The following ATP8B4 variants were observed in gnomAD, a reference collection of about 807,000 sequenced individuals.
The protein encoded by ATP8B4 is probable phospholipid-transporting ATPase IM.
A neutral mutation model predicts 145.6 loss-of-function variants in ATP8B4; 133 were observed. The ratio of observed to expected loss-of-function variants is 0.91; its 90% CI spans 0.79 to 1.05. The LOEUF (loss-of-function observed/expected upper bound fraction) is 1.05. Ranked by LOEUF, ATP8B4 falls within the 50% of genes least tolerant of loss-of-function variation. The probability of loss-of-function intolerance (pLI) is 0.00; values close to 1 mark genes in which losing one functional copy is unlikely to be tolerated. For missense variants in ATP8B4, 1,458 were observed against 1,425.2 expected (o/e 1.02, Z -0.37); for synonymous variants, 507 against 492.9 (o/e 1.03, Z -0.38).
intron 1 of ATP8B4, among the ~76,000 whole-genome samples, chr15:50,147,990 T>C (rs72737028): frequency 0.1 from 15,403 of 152,274 alleles, 872 homozygotes; most frequent in Middle Eastern, 0.15. Context: ...AGAAGAACTA[T>C]ATCTTTCCAA....
intron 21 of ATP8B4, 99 bp downstream of exon 21, chr15:49,900,993 T>C: frequency 7.0e-7 from 1 of 1,437,116 alleles, no homozygotes; most frequent in Non-Finnish European, 9.4e-7. Flanking sequence ...GTAGTGACAT[T>C]TGTCTGGAAA....
intron 1 of ATP8B4, among the ~76,000 whole-genome samples, chr15:50,149,954 A>G (rs2044326067): frequency 6.6e-6 from 1 of 152,124 alleles, no homozygotes; most frequent in South Asian, 2.1e-4. Flanking sequence ...CACAAAAATT[A>G]GCCAGGTGTG....
chr15:49,948,058 C>T (rs2042730973), intron 14 of ATP8B4, among the ~76,000 whole-genome samples: 1 of 152,052 alleles, frequency 6.6e-6, no homozygotes, highest in Admixed American at 6.5e-5. Flanking sequence ...ACAATGGTCT[C>T]GACAATGACT....
chr15:49,993,850 C>T (rs1351958181), intron 9 of ATP8B4, among the ~76,000 whole-genome samples: 2 of 152,034 alleles, frequency 1.3e-5, no homozygotes, highest in Non-Finnish European at 2.9e-5. Context: ...AAGCTGACCA[C>T]AGTTTAAGTA....
chr15:49,992,592 G>T (rs1385285932), intron 9 of ATP8B4, among the ~76,000 whole-genome samples: 3 of 152,152 alleles, frequency 2.0e-5, no homozygotes, highest in African/African-American at 7.2e-5. Context: ...TCCGAAACCT[G>T]GAGTCCCCAG....
At chr15:50,033,824 T>TG (rs1165777849) in intron 6 of ATP8B4, among the ~76,000 whole-genome samples, 1 of 152,222 alleles carries the variant, frequency 6.6e-6, no homozygotes, top group Non-Finnish European at 1.5e-5. Flanking sequence ...TTTGGTTTTC[T>TG]GTTCCTGTGT....
chr15:50,177,163 T>C (rs1251294121), intron 1 of ATP8B4, among the ~76,000 whole-genome samples: 2 of 152,234 alleles, frequency 1.3e-5, no homozygotes, highest in Non-Finnish European at 2.9e-5. Flanking sequence ...TTGTACCAAG[T>C]ATGTAATGTC....
At chr15:50,018,951 A>G (rs11070741) in intron 6 of ATP8B4, 699,775 of 1,225,298 alleles carry the variant, frequency 0.57, 212,770 homozygotes, top group East Asian at 1. Context: ...CCTGTCATTA[A>G]ACCCTCAGCT....
At chr15:50,181,531 G>A (rs1372428962) in intron 1 of ATP8B4, among the ~76,000 whole-genome samples, 1 of 152,208 alleles carries the variant, frequency 6.6e-6, no homozygotes, top group Non-Finnish European at 1.5e-5. Flanking sequence ...TAATGTCAAA[G>A]CTTGATTTCA....
intron 3 of ATP8B4, among the ~76,000 whole-genome samples, chr15:50,056,736 CA>C (rs2052634480): frequency 1.3e-5 from 2 of 150,906 alleles, no homozygotes; most frequent in Non-Finnish European, 2.9e-5. Flanking sequence ...CACACACACA[CA>C]CCTATAGCAA....
At chr15:50,160,015 C>CTTTTT (rs35773416) in intron 1 of ATP8B4, among the ~76,000 whole-genome samples, 911 of 20,000 alleles carry the variant, frequency 0.046, 123 homozygotes, top group East Asian at 0.11. Flanking sequence ...CAGGTCCTGG[C>CTTTTT]TTTTTTTTTT....
At chr15:50,136,857 T>C (rs753446413) in intron 1 of ATP8B4, among the ~76,000 whole-genome samples, 2 of 152,208 alleles carry the variant, frequency 1.3e-5, no homozygotes, top group Non-Finnish European at 2.9e-5. Flanking sequence ...GTAATGGTAC[T>C]ACCTCATTAA....
intron 14 of ATP8B4, among the ~76,000 whole-genome samples, chr15:49,940,481 C>T (rs991324601): frequency 1.3e-5 from 2 of 152,066 alleles, no homozygotes; most frequent in African/African-American, 4.8e-5. Flanking sequence ...TCAATCATAC[C>T]TCAAATCTCC....
chr15:49,969,296 G>A (rs2044856449), intron 13 of ATP8B4, among the ~76,000 whole-genome samples: 1 of 152,152 alleles, frequency 6.6e-6, no homozygotes, highest in Non-Finnish European at 1.5e-5. Flanking sequence ...GAAGGAGATA[G>A]AGACACGAAA....
intron 4 of ATP8B4, among the ~76,000 whole-genome samples, chr15:50,046,918 A>G (rs1475852160): frequency 6.6e-6 from 1 of 152,224 alleles, no homozygotes; most frequent in African/African-American, 2.4e-5. Context: ...TCATCACTTT[A>G]TATATATTAA....
chr15:50,073,536 G>GT (rs2053987329), intron 3 of ATP8B4, among the ~76,000 whole-genome samples: 1 of 152,154 alleles, frequency 6.6e-6, no homozygotes, highest in Non-Finnish European at 1.5e-5. Flanking sequence ...TGAGAACAGT[G>GT]TTGCAATAAA....
chr15:50,150,198 G>C (rs1240119653), intron 1 of ATP8B4, among the ~76,000 whole-genome samples: 1 of 152,212 alleles, frequency 6.6e-6, no homozygotes, highest in East Asian at 1.9e-4. Context: ...AGCTTGAACA[G>C]TGAGTTGCTG....
At chr15:50,038,553 C>A (rs1011090483) in intron 6 of ATP8B4, among the ~76,000 whole-genome samples, 1 of 151,898 alleles carries the variant, frequency 6.6e-6, no homozygotes, top group Non-Finnish European at 1.5e-5. Context: ...AAAGGTACAC[C>A]AAAGGAATCT....
chr15:49,897,937 A>G, intron 22 of ATP8B4, 131 bp downstream of exon 22: 1 of 1,025,806 alleles, frequency 9.7e-7, no homozygotes, highest in South Asian at 1.6e-5. Flanking sequence ...CATTGGACCC[A>G]GAAGTATCAT....
Sources: allele counts gnomAD v4.1 joint callset (sites outside exome capture counted in the v4.1 genomes callset), GRCh38; gene constraint gnomAD v4.1.1; transcripts MANE v1.5; gene names NCBI Gene and HGNC (gene_info 2026-07-23, HGNC 2026-07-21).